Variants in CRYBG3 observed in about 807,000 individuals in gnomAD.
CRYBG3 encodes the protein very large A-kinase anchor protein.
A neutral mutation model predicts 244.2 loss-of-function variants in CRYBG3; 127 were observed. The observed-to-expected ratio is 0.52, with a 90% CI of 0.45 to 0.60. The LOEUF is 0.60. Among genes scored for constraint, CRYBG3 ranks in the 20% least tolerant of loss-of-function variants. CRYBG3 has a pLI of 0.00. For missense variants in CRYBG3, 3,325 were observed against 3,442.5 expected (o/e 0.97, Z 0.85); for synonymous variants, 1,132 against 1,195.8 (o/e 0.95, Z 1.10).
intron 17 of CRYBG3, chr3:97,932,999 CT>C (rs1185269842): frequency 2.6e-6 from 1 of 379,992 alleles, no homozygotes; most frequent in African/African-American, 2.2e-5. Flanking sequence ...ATTACAATAT[CT>C]GTACAGTTTT....
In CRYBG3 at chr3:97,910,640, C is replaced by G. The variant is rs571775632; in HGVS notation, c.8005-1527C>G. On this transcript the variant is annotated intron_variant, in intron 15 of 21. Coordinates refer to ENST00000389622, the MANE Select transcript of CRYBG3 (RefSeq NM_153605.4). ...GGTGCACGCACCCATGACCTGGGCC[C>G]ACTGTCTGGCACTCCCTAGTGAGGT... Among the ~76,000 whole-genome samples the G allele has an allele frequency of 5.9e-5, 9 of 152,334 alleles. 1 individual carries two copies. The highest frequency in any genetic ancestry group is 2.2e-4 in the African/African-American group (9 of 41,576).
At position 97,872,405 on chromosome 3, in the gene CRYBG3, C is replaced by T; in HGVS notation, c.1211C>T (p.Thr404Ile). Residue 404 changes from threonine (T) to isoleucine (I), a missense_variant, in exon 4 of 22, where the codon ACA becomes ATA. Physicochemically the swap from Thr to Ile is moderately conservative, Grantham distance 89. Around this residue, in one of 4 missense-constraint regions of CRYBG3, gnomAD observed 1,526 missense variants for 1,443.2 expected, o/e 1.06. Transcript: ENST00000389622. ...CSPDFQRVTT[T>I]ENTIKENSTV... is the part of the protein sequence containing the mutation. ...CCAGATTTTCAGAGAGTAACTACAA[C>T]AGAAAATACGATAAAAGAAAACAGC... 4.6e-6 allele frequency: 7 copies of T among 1,535,774 alleles called. No individual in the cohort carries two copies. Among genetic ancestry groups the T allele is most frequent in the Non-Finnish European group, 6.1e-6 (7 of 1,146,744 alleles).
intron 1 of CRYBG3, chr3:97,837,107 G>A (rs1323573550): frequency 6.6e-6 from 1 of 152,172 alleles, no homozygotes; most frequent in Admixed American, 6.6e-5. Flanking sequence ...AGTTCATTCT[G>A]AGTTGTTGCA....
chr3:97,922,064 A>G (rs1438055171), intron 17 of CRYBG3, among the ~76,000 whole-genome samples: 1 of 152,212 alleles, frequency 6.6e-6, no homozygotes, highest in Non-Finnish European at 1.5e-5. Flanking sequence ...TGGCAAGACA[A>G]TGATTCATTC....
intron 1 of CRYBG3, among the ~76,000 whole-genome samples, chr3:97,835,857 T>C (rs1189414948): frequency 6.6e-6 from 1 of 152,108 alleles, no homozygotes; most frequent in East Asian, 1.9e-4. Flanking sequence ...TAAAATACTG[T>C]TGTGAGTTCA....
In CRYBG3 at chr3:97,860,862, G is replaced by T. The variant is rs545888537; in HGVS notation, c.217-3355G>T. Among the ~76,000 whole-genome samples, 5 of 150,760 alleles carry T rather than the reference G, an allele frequency of 3.3e-5. No homozygotes were observed. The East Asian group carries it at 5.8e-4, about 18-fold the overall frequency. On this transcript the variant is annotated intron_variant, in intron 2 of 21. Transcript: ENST00000389622. ...TTGTTGTTTCCTCTTTTTTTCCTGC[G>T]CACATCGTATATTGCCAAACTACAT...
At chr3:97,854,939 C>G (rs572076938) in intron 2 of CRYBG3, among the ~76,000 whole-genome samples, 227 of 152,068 alleles carry the variant, frequency 1.5e-3, no homozygotes, top group Non-Finnish European at 2.5e-3. Flanking sequence ...CAGATCTTAG[C>G]AGAAAAGTTT....
At chr3:97,896,571 CAGGGTGAAGGAAAA>C in intron 12 of CRYBG3, among the ~76,000 whole-genome samples, 1 of 152,224 alleles carries the variant, frequency 6.6e-6, no homozygotes, top group East Asian at 1.9e-4. Context: ...GTTCTAGAAA[CAGGGTGAAGGAAAA>C]AGGTAGGTGC....
rs774244004 is a variant in CRYBG3 at position 97,874,004 on chromosome 3, A to C, written c.2810A>C (p.Lys937Thr). 11 of 1,534,442 alleles carry C rather than the reference A, an allele frequency of 7.2e-6. No individual in the cohort carries two copies. In the South Asian group the frequency reaches 1.3e-4, roughly 18 times the overall value. Residue 937 changes from lysine to threonine, a missense_variant, in exon 4 of 22, where the codon AAA becomes ACA. Transcript: ENST00000389622. The stretch of plus-strand genomic sequence containing the variant: ...TTAGGCTCTCCTCCTGCTCTTCTTA[A>C]AAGTAATATATCTTGGATTTTACCA... ...DALGSPPALL[K>T]SNISWILPPI...
chr3:97,856,058 T>G (rs1295829932), intron 2 of CRYBG3, among the ~76,000 whole-genome samples: 1 of 152,126 alleles, frequency 6.6e-6, no homozygotes, highest in African/African-American at 2.4e-5. Flanking sequence ...TGGGGTCTAT[T>G]TCACCCCTAC....
intron 19 of CRYBG3, among the ~76,000 whole-genome samples, chr3:97,940,021 T>C (rs372598850): frequency 2.0e-5 from 3 of 152,078 alleles, no homozygotes; most frequent in Admixed American, 6.6e-5. Flanking sequence ...TAAGCACTTA[T>C]GTTTCTTAGC....
In CRYBG3 at chr3:97,874,042, GA is replaced by G; in HGVS notation, c.2854del (p.Ile952SerfsTer39). 6.5e-7 allele frequency: 1 copy of G among 1,535,680 alleles called. No homozygotes were observed. Among genetic ancestry groups the G allele is most frequent in the Non-Finnish European group, 8.7e-7 (1 of 1,146,792 alleles). ...ISWILPPIHD[E>X]KISRQMAQNC... ...TTGGATTTTACCACCTATTCATGATGAAAAAATCAGTAGGCAAATGGCGCAG... is the reference window on the plus strand; with the variant it reads ...TTGGATTTTACCACCTATTCATGATGAAAAATCAGTAGGCAAATGGCGCAG... On this transcript the variant is annotated frameshift_variant, in exon 4 of 22. Coordinates refer to ENST00000389622, the MANE Select transcript of CRYBG3 (RefSeq NM_153605.4). LOFTEE classifies it high-confidence loss of function.
rs112880781 is a variant in CRYBG3 at position 97,877,529 on chromosome 3, A to C, written c.6335A>C (p.Lys2112Thr). ...TCACCTGGTCACCATGGCCCCAGGA[A>C]ATCAAGAGACAGTGAAAACCAGTCC... is the stretch of plus-strand genomic sequence containing the variant. ...EVSPGHHGPR[K>T]SRDSENQSSS... Residue 2112 changes from lysine to threonine, a missense_variant, in exon 4 of 22, where the codon AAA becomes ACA. Lys to Thr is a moderately conservative substitution (Grantham distance 78). This residue lies in a region of CRYBG3 where 450 missense variants were observed against 424.1 expected (regional missense o/e 1.06). Transcript: ENST00000389622. The C allele has an allele frequency of 5.0e-3, 8,077 of 1,614,146 alleles. 27 individuals are homozygous for C. Among genetic ancestry groups the C allele is most frequent in the Non-Finnish European group, 6.0e-3 (7,094 of 1,180,012 alleles).
At chr3:97,934,884 T>C (rs929224499) in intron 18 of CRYBG3, among the ~76,000 whole-genome samples, 2 of 152,156 alleles carry the variant, frequency 1.3e-5, no homozygotes, top group African/African-American at 2.4e-5. Context: ...CTGAGTGAAA[T>C]TGATACTTGA....
At chr3:97,940,162 G>T (rs568187277) in intron 19 of CRYBG3, among the ~76,000 whole-genome samples, 11 of 152,084 alleles carry the variant, frequency 7.2e-5, no homozygotes, top group Admixed American at 6.6e-5. Context: ...TAAGGCTGGA[G>T]GCCTAAGTCA....
At chr3:97,858,742 C>A (rs1470259807) in intron 2 of CRYBG3, among the ~76,000 whole-genome samples, 1 of 151,980 alleles carries the variant, frequency 6.6e-6, no homozygotes, top group African/African-American at 2.4e-5. Flanking sequence ...AATTGTCTAT[C>A]TGTATTTTTT....
At chr3:97,925,770 T>C (rs1005223364) in intron 17 of CRYBG3, among the ~76,000 whole-genome samples, 18 of 152,084 alleles carry the variant, frequency 1.2e-4, no homozygotes, top group African/African-American at 4.3e-4. Flanking sequence ...GATACAAATA[T>C]AGTAAAATTA....
chr3:97,877,472 G>A lies in CRYBG3; in HGVS notation c.6278G>A (p.Ser2093Asn). ...TTGTCTCCCATTTATGAGGATGACA[G>A]CTCACAGGAGGACATTCTATCTAGT... is the stretch of plus-strand genomic sequence containing the variant. ...LALSPIYEDD[S>N]SQEDILSSEV... The change falls in exon 4 of 22, where the codon AGC becomes AAC. Residue 2093 changes from serine to asparagine, a missense_variant. Transcript: ENST00000389622. 6.2e-7 allele frequency: 1 copy of A among 1,614,156 alleles called. No homozygotes were observed. The highest frequency in any genetic ancestry group is 1.1e-5 in the South Asian group (1 of 91,066).
intron 2 of CRYBG3, among the ~76,000 whole-genome samples, chr3:97,848,699 TACAG>T (rs2038939292): frequency 6.6e-6 from 1 of 152,226 alleles, no homozygotes; most frequent in Non-Finnish European, 1.5e-5. Context: ...TAGCTGGGAC[TACAG>T]ACAGGCATAC....
Sources: gnomAD v4.1 joint callset for allele counts (sites outside exome capture counted in the v4.1 genomes callset) on GRCh38, gnomAD v4.1.1 for gene constraint, gnomAD v4.1.1 regional missense constraint, MANE v1.5 for transcripts, NCBI Gene and HGNC (gene_info 2026-07-23, HGNC 2026-07-21) for gene names.